Variants in TTC7B observed in about 807,000 individuals in gnomAD.
TTC7B encodes tetratricopeptide repeat protein 7B.
TTC7B carries 28 observed loss-of-function variants against 106.8 expected under a neutral mutation model. The ratio of observed to expected loss-of-function variants is 0.26; its 90% CI spans 0.19 to 0.36. TTC7B has a LOEUF of 0.36. TTC7B is among the 10% of genes least tolerant of loss of function. The pLI, the probability that TTC7B is intolerant of heterozygous loss-of-function variation, is 1.00. For missense variants in TTC7B, 862 were observed against 1,076.4 expected (o/e 0.80, Z 2.79); for synonymous variants, 405 against 430.6 (o/e 0.94, Z 0.74).
chr14:90,593,729 C>T (rs1350144296), intron 17 of TTC7B, 103 bp from the exon 18 acceptor site: 19 of 1,174,928 alleles, frequency 1.6e-5, no homozygotes, highest in Non-Finnish European at 2.2e-5. Flanking sequence ...CACCCCTTCC[C>T]CCATGATGTT....
In TTC7B at chr14:90,593,768, C is replaced by T. The variant is rs73326810; in HGVS notation, c.1967-142G>A. The stretch of plus-strand genomic sequence containing the variant: ...AAGATTTACTGTCCACAGAGAAACG[C>T]GGGCAATCACGGCCCGGGGCCTTAG... On this transcript the variant is annotated intron_variant, in intron 17 of 19. Transcript: ENST00000328459. 319 of 783,798 alleles carry T rather than the reference C, an allele frequency of 4.1e-4. No homozygotes were observed. In the African/African-American group the frequency reaches 4.7e-3, roughly 12 times the overall value. The allele number at this position is 783,798 out of a possible 1,614,324, so 48.6% of individuals were successfully genotyped here.
At chr14:90,591,819 A>G (rs1203604092) in intron 18 of TTC7B, among the ~76,000 whole-genome samples, 1 of 152,212 alleles carries the variant, frequency 6.6e-6, no homozygotes, top group Non-Finnish European at 1.5e-5. Context: ...CAGAGTTCTC[A>G]GCCAGGAACT....
At chr14:90,627,213 C>G (rs565488793) in intron 15 of TTC7B, among the ~76,000 whole-genome samples, 1 of 152,044 alleles carries the variant, frequency 6.6e-6, no homozygotes. Flanking sequence ...CTTGAACTCC[C>G]GGGCTCAAGA....
chr14:90,725,650 T>C (rs1284704984), intron 5 of TTC7B, among the ~76,000 whole-genome samples: 3 of 152,206 alleles, frequency 2.0e-5, no homozygotes, highest in Admixed American at 2.0e-4. Flanking sequence ...CATCCCTGCC[T>C]GACTTCCTGC....
At position 90,524,730 on chromosome 14, in the gene TTC7B, G is replaced by C. The variant is rs1226243014; in HGVS notation, c.*16638C>G. On this transcript the variant is annotated 3_prime_UTR_variant, in exon 20 of 20. Coordinates refer to ENST00000328459, the MANE Select transcript of TTC7B (RefSeq NM_001010854.2). Reference sequence around the variant, plus strand: ...GCCCTGCAGCTGCCCAGCCCTGGGGGTTAGGGCCTTGGGGTTTCTGGCTAG... The same window carrying C: ...GCCCTGCAGCTGCCCAGCCCTGGGGCTTAGGGCCTTGGGGTTTCTGGCTAG... 1 of 152,264 alleles carries C rather than the reference G, an allele frequency of 6.6e-6. No individual in the cohort carries two copies. Among genetic ancestry groups the C allele is most frequent in the Non-Finnish European group, 1.5e-5 (1 of 68,084 alleles). 9.4% of individuals were successfully genotyped at this position (152,264 alleles called of 1,614,324 possible). A position where few individuals can be genotyped will look rare whatever the true frequency, so the allele number is the denominator to read the frequency against.
chr14:90,605,456 C>T (rs1411721655), intron 17 of TTC7B: 4 of 741,510 alleles, frequency 5.4e-6, no homozygotes, highest in Non-Finnish European at 7.0e-6. Flanking sequence ...CCCCAAACAG[C>T]TTTTGGATTT....
intron 17 of TTC7B, among the ~76,000 whole-genome samples, chr14:90,599,436 G>A (rs1045102586): frequency 6.6e-6 from 1 of 152,142 alleles, no homozygotes; most frequent in Non-Finnish European, 1.5e-5. Flanking sequence ...CAGGAACGAC[G>A]GACAGCCACA....
intron 3 of TTC7B, among the ~76,000 whole-genome samples, chr14:90,751,280 T>C (rs1890125805): frequency 1.3e-5 from 2 of 152,240 alleles, no homozygotes; most frequent in Admixed American, 1.3e-4. Context: ...GACTGAGTTG[T>C]GTGATTTAAA....
chr14:90,766,764 G>A, intron 3 of TTC7B: 1 of 1,573,110 alleles, frequency 6.4e-7, no homozygotes, highest in African/African-American at 1.3e-5. Flanking sequence ...GCCAGTACAA[G>A]ATCCCAGACT....
At chr14:90,546,870 C>T (rs986171061) in intron 19 of TTC7B, among the ~76,000 whole-genome samples, 1 of 152,222 alleles carries the variant, frequency 6.6e-6, no homozygotes, top group African/African-American at 2.4e-5. Context: ...GGTCTCATTC[C>T]ATCCTCTCTC....
chr14:90,629,694 A>G (rs976042156), intron 15 of TTC7B, among the ~76,000 whole-genome samples: 1 of 152,212 alleles, frequency 6.6e-6, no homozygotes, highest in East Asian at 1.9e-4. Flanking sequence ...GAGATCTTGG[A>G]AAGAAAAGCA....
intron 3 of TTC7B, among the ~76,000 whole-genome samples, chr14:90,776,140 GACACACACACAC>G (rs370873395): frequency 0.044 from 6,187 of 140,352 alleles, 163 homozygotes; most frequent in Non-Finnish European, 0.059. Context: ...GGCCCCCCGT[GACACACACACAC>G]ACACACACAC....
chr14:90,718,229 T>C (rs1322070689), intron 5 of TTC7B, among the ~76,000 whole-genome samples: 1 of 152,226 alleles, frequency 6.6e-6, no homozygotes, highest in Non-Finnish European at 1.5e-5. Context: ...GATAGCTCCC[T>C]TTCCTGCTGC....
chr14:90,615,403 C>T (rs1486449449), intron 16 of TTC7B, among the ~76,000 whole-genome samples: 1 of 152,188 alleles, frequency 6.6e-6, no homozygotes, highest in Non-Finnish European at 1.5e-5. Context: ...CCAGCATGCT[C>T]AGAAGCAAGG....
At position 90,753,636 on chromosome 14, in the gene TTC7B, C is replaced by T. The variant is rs80231622; in HGVS notation, c.446-8714G>A. ...GGGGGAAGCAGAGGGACAGGGACGCCGGCCTGGATCCCCTGTGAGGTCCCT... is the reference window on the plus strand; with the variant it reads ...GGGGGAAGCAGAGGGACAGGGACGCTGGCCTGGATCCCCTGTGAGGTCCCT... On this transcript the variant is annotated intron_variant, in intron 3 of 19. Coordinates refer to ENST00000328459, the MANE Select transcript of TTC7B (RefSeq NM_001010854.2). Among the ~76,000 whole-genome samples the T allele has an allele frequency of 2.6e-3, 391 of 152,256 alleles. 1 individual carries two copies. The highest frequency in any genetic ancestry group is 8.5e-3 in the African/African-American group (352 of 41,538).
intron 4 of TTC7B, among the ~76,000 whole-genome samples, chr14:90,744,308 T>C (rs1889878134): frequency 6.6e-6 from 1 of 152,130 alleles, no homozygotes; most frequent in Admixed American, 6.6e-5. Flanking sequence ...TATTTTTCTT[T>C]CTTTCTTTCT....
rs188346832 is a variant in TTC7B, at chr14:90,678,089, A to G, written c.1015-1429T>C. Among the ~76,000 whole-genome samples the G allele has an allele frequency of 2.6e-3, 397 of 152,332 alleles. 2 individuals are homozygous for G. Among genetic ancestry groups the G allele is most frequent in the African/African-American group, 9.1e-3 (378 of 41,568 alleles). On this transcript the variant is annotated intron_variant, in intron 8 of 19. Coordinates refer to ENST00000328459, the MANE Select transcript of TTC7B (RefSeq NM_001010854.2). ...TGGAAGAGAACAAAACAAACATACT[A>G]TTTATGAGAGACTTTCAAGTTATAC... is the stretch of plus-strand genomic sequence containing the variant.
rs897263813 is a variant in TTC7B at position 90,531,386 on chromosome 14, A to G, written c.*9982T>C. ...GGAGTTCGAGACCAGCCTGACCTAC[A>G]TGGTGAAACTCTGTCTCTACTAAGC... On this transcript the variant is annotated 3_prime_UTR_variant, in exon 20 of 20. Transcript: ENST00000328459. 1.3e-5 allele frequency: 2 copies of G among 152,142 alleles called. No homozygotes were observed. The highest frequency in any genetic ancestry group is 2.9e-5 in the Non-Finnish European group (2 of 68,056). The allele number at this position is 152,142 out of a possible 1,614,324, so 9.4% of individuals were successfully genotyped here.
chr14:90,689,476 C>G, intron 7 of TTC7B, 64 bp downstream of exon 7: 1 of 1,441,460 alleles, frequency 6.9e-7, no homozygotes, highest in Non-Finnish European at 9.5e-7. Flanking sequence ...TCTCATCATC[C>G]TTGAATTTTC....
Sources: gnomAD v4.1 joint callset for allele counts (sites outside exome capture counted in the v4.1 genomes callset) on GRCh38, gnomAD v4.1.1 for gene constraint, MANE v1.5 for transcripts, NCBI Gene and HGNC (gene_info 2026-07-23, HGNC 2026-07-21) for gene names.